The following PCSK1 variants were observed in gnomAD, a reference collection of about 807,000 sequenced individuals.
PCSK1 encodes neuroendocrine convertase 1.
A neutral mutation model predicts 90.6 loss-of-function variants in PCSK1; 56 were observed. That is an observed-to-expected ratio of 0.62 (90% CI 0.50 to 0.77). The LOEUF is 0.77. PCSK1 is among the 30% of genes least tolerant of loss of function. PCSK1 has a pLI of 0.00. For missense variants in PCSK1, 801 were observed against 932.6 expected (o/e 0.86, Z 1.84); for synonymous variants, 348 against 342.4 (o/e 1.02, Z -0.18).
chr5:96,432,215 CTA>C (rs1561380208), intron 1 of PCSK1: 19 of 1,228,096 alleles, frequency 1.5e-5, no homozygotes, highest in Admixed American at 2.0e-5. Flanking sequence ...CCGGAGCTCC[CTA>C]GAGAGTCGCG....
rs11317408 is a variant in PCSK1, at chr5:96,421,993, TA to T, written c.544-38del. 18,704 of 349,510 alleles carry T rather than the reference TA, an allele frequency of 0.054. 567 individuals carry two copies. The highest frequency in any genetic ancestry group is 0.1 in the African/African-American group (2,003 of 19,886). 21.7% of individuals were successfully genotyped at this position (349,510 alleles called of 1,614,324 possible). ...ACAAAATATAACACTGTGGCAGCAT[TA>T]AAAAAAAAAAAAAAAAAAAAAAAAA... On this transcript the variant is annotated intron_variant, in intron 4 of 13. Coordinates refer to ENST00000311106, the MANE Select transcript of PCSK1 (RefSeq NM_000439.5).
In PCSK1 at chr5:96,401,568, T is replaced by A. The variant is rs147610666; in HGVS notation, c.1197-1382A>T. Among the ~76,000 whole-genome samples, 390 of 152,338 alleles carry A rather than the reference T, an allele frequency of 2.6e-3. 1 individual carries two copies. The highest frequency in any genetic ancestry group is 0.018 in the South Asian group (89 of 4,830). On this transcript the variant is annotated intron_variant, in intron 9 of 13. Coordinates refer to ENST00000311106, the MANE Select transcript of PCSK1 (RefSeq NM_000439.5). ...ACACTATAAAGATAAATCAGAGATA[T>A]AAGGGATTGTTGGATCTATTATACT...
intron 8 of PCSK1, among the ~76,000 whole-genome samples, 166 bp from the exon 9 acceptor site, chr5:96,408,489 C>G (rs537256509): frequency 4.4e-4 from 67 of 152,322 alleles, no homozygotes; most frequent in African/African-American, 1.5e-3. Context: ...TTGCCATCTG[C>G]TGATATTTTA....
At chr5:96,408,352 C>G in intron 8 of PCSK1, 29 bp from the exon 9 acceptor site, 1 of 1,529,398 alleles carries the variant, frequency 6.5e-7, no homozygotes. Context: ...GAGAGAAAGG[C>G]AGGGAGAACA....
chr5:96,410,072 G>A (rs563431245), intron 8 of PCSK1, among the ~76,000 whole-genome samples: 20 of 152,196 alleles, frequency 1.3e-4, no homozygotes, highest in Non-Finnish European at 2.2e-4. Context: ...TAAATTGGGG[G>A]CCTTACATTT....
At chr5:96,420,868 G>A (rs1761106505) in intron 5 of PCSK1, among the ~76,000 whole-genome samples, 1 of 152,144 alleles carries the variant, frequency 6.6e-6, no homozygotes, top group Admixed American at 6.5e-5. Context: ...GTGCCATCCA[G>A]AGAGAATAAA....
In PCSK1 at chr5:96,402,063, C is replaced by T. The variant is rs1760394962; in HGVS notation, c.1197-1877G>A. Among the ~76,000 whole-genome samples, 3 of 152,170 alleles carry T rather than the reference C, an allele frequency of 2.0e-5. No homozygotes were observed. The South Asian group carries it at 6.2e-4, about 32-fold the overall frequency. Reference sequence around the variant, plus strand: ...TCCTCAAGGTTCCTGTCTCAGCACTCGGTTGGAGAACAATCATCAGGGGAG... The same window carrying T: ...TCCTCAAGGTTCCTGTCTCAGCACTTGGTTGGAGAACAATCATCAGGGGAG... On this transcript the variant is annotated intron_variant, in intron 9 of 13. Coordinates refer to ENST00000311106, the MANE Select transcript of PCSK1 (RefSeq NM_000439.5).
rs763565418 is a variant in PCSK1, at chr5:96,419,414, C to CCT, written c.620+2464_620+2465dup. On this transcript the variant is annotated intron_variant, in intron 5 of 13. Coordinates refer to ENST00000311106, the MANE Select transcript of PCSK1 (RefSeq NM_000439.5). Reference sequence around the variant, plus strand: ...TATATATATATAAACTCACTTAATACCTCTCTCTCTCTCTCTCTCTCCCTC... The same window carrying CCT: ...TATATATATATAAACTCACTTAATACCTCTCTCTCTCTCTCTCTCTCTCCCTC... Among the ~76,000 whole-genome samples, 405 of 129,076 alleles carry CCT rather than the reference C, an allele frequency of 3.1e-3. 3 individuals are homozygous for CCT. Among genetic ancestry groups the CCT allele is most frequent in the African/African-American group, 9.4e-3 (307 of 32,534 alleles). 84.7% of individuals were successfully genotyped at this position (129,076 alleles called of 152,430 possible).
At position 96,391,880 on chromosome 5, in the gene PCSK1, G is replaced by T. The variant is rs1312513851; in HGVS notation, c.*1121C>A. The T allele has an allele frequency of 2.0e-5, 3 of 152,194 alleles. No individual in the cohort carries two copies. The allele number at this position is 152,194 out of a possible 1,614,324, so 9.4% of individuals were successfully genotyped here. ...GAGGGACAATTAAGGTCCATGGCCT[G>T]CCAGTTTCTGCTTCTGATTTGAAGC... is the stretch of plus-strand genomic sequence containing the variant. On this transcript the variant is annotated 3_prime_UTR_variant, in exon 14 of 14. Coordinates refer to ENST00000311106, the MANE Select transcript of PCSK1 (RefSeq NM_000439.5).
chr5:96,431,758 G>A (rs1761506411), intron 1 of PCSK1, among the ~76,000 whole-genome samples: 1 of 152,102 alleles, frequency 6.6e-6, no homozygotes, highest in South Asian at 2.1e-4. Context: ...CAACGCCCCC[G>A]CCGATTACTC....
In PCSK1 at chr5:96,397,337, A is replaced by G. The variant is rs1580744758; in HGVS notation, c.1721T>C (p.Met574Thr). 6.2e-7 allele frequency: 1 copy of G among 1,612,802 alleles called. No homozygotes were observed. Among genetic ancestry groups the G allele is most frequent in the Admixed American group, 1.7e-5 (1 of 59,988 alleles). ...TTTCATCCTCTCATTCACACTTACCATGTCTGTAATTCTCAAAGTCCAAGT... is the reference window on the plus strand; with the variant it reads ...TTTCATCCTCTCATTCACACTTACCGTGTCTGTAATTCTCAAAGTCCAAGT... ...IGTWTLRITD[M>T]SGRIQNEGRI... Residue 574 changes from methionine (M) to threonine (T), a missense_variant and splice_region_variant, in exon 12 of 14, where the codon ATG (methionine) becomes ACG (threonine). Physicochemically the swap from Met to Thr is moderately conservative, Grantham distance 81. Coordinates refer to ENST00000311106, the MANE Select transcript of PCSK1 (RefSeq NM_000439.5).
In PCSK1 at chr5:96,412,366, C is replaced by T. The variant is rs147381652; in HGVS notation, c.834G>A (p.Glu278=). The T allele has an allele frequency of 1.7e-5, 27 of 1,614,186 alleles. 1 individual carries two copies. In the African/African-American group the frequency reaches 3.2e-4, roughly 19 times the overall value. ...CCTTCTGGGCTAGCCGGCCAGGCCC[C>T]TCCACAGTTTTCCCATCATCATTAG... ...WGPNDDGKTV[E]GPGRLAQKAF... is the part of the protein sequence containing the mutation. The change falls in exon 7 of 14, where the codon GAG becomes GAA. Residue 278 remains glutamate, a synonymous_variant. Coordinates refer to ENST00000311106, the MANE Select transcript of PCSK1 (RefSeq NM_000439.5).
At chr5:96,427,665 C>T (rs1485833146) in intron 2 of PCSK1, among the ~76,000 whole-genome samples, 1 of 152,064 alleles carries the variant, frequency 6.6e-6, no homozygotes, top group East Asian at 1.9e-4. Flanking sequence ...TCATGAGATA[C>T]TTTGAGTAAG....
At chr5:96,419,747 GGT>G (rs1761060667) in intron 5 of PCSK1, among the ~76,000 whole-genome samples, 1 of 151,664 alleles carries the variant, frequency 6.6e-6, no homozygotes, top group Non-Finnish European at 1.5e-5. Flanking sequence ...GGCCTTTGCA[GGT>G]AACTCCCTGA....
chr5:96,394,758 A>T (rs1760071714), intron 13 of PCSK1, 106 bp downstream of exon 13: 4 of 958,590 alleles, frequency 4.2e-6, no homozygotes, highest in Non-Finnish European at 6.9e-6. Context: ...TATCCTCCCC[A>T]TCCATGTTTG....
In PCSK1 at chr5:96,432,914, C is replaced by G. The variant is rs141507819; in HGVS notation, c.129G>C (p.Pro43=). The G allele has an allele frequency of 8.7e-6, 14 of 1,614,008 alleles. No individual in the cohort carries two copies. In the African/African-American group the frequency reaches 1.7e-4, roughly 20 times the overall value. The change falls in exon 1 of 14, where the codon CCG becomes CCC. Residue 43 remains proline, a synonymous_variant. Transcript: ENST00000311106. ...CCTCGGCGATGGCCGAGGCTGCTTC[C>G]GGGCCCCCGGGGATCTCCGCTGCCC... ...NEWAAEIPGG[P]EAASAIAEEL... is the part of the protein sequence containing the mutation.
At chr5:96,411,215 C>T (rs1760743618) in intron 7 of PCSK1, among the ~76,000 whole-genome samples, 1 of 152,218 alleles carries the variant, frequency 6.6e-6, no homozygotes, top group Non-Finnish European at 1.5e-5. Context: ...TGGGGTAGGG[C>T]TGAGCACACG....
At chr5:96,396,806 A>T (rs1760165409) in intron 12 of PCSK1, among the ~76,000 whole-genome samples, 1 of 152,254 alleles carries the variant, frequency 6.6e-6, no homozygotes, top group Non-Finnish European at 1.5e-5. Context: ...GAATGTTAGT[A>T]AACAGAATGA....
At position 96,426,397 on chromosome 5, in the gene PCSK1, T is replaced by C. The variant is rs1158980853; in HGVS notation, c.286-467A>G. Among the ~76,000 whole-genome samples the C allele has an allele frequency of 3.9e-5, 6 of 152,152 alleles. No homozygotes were observed. The East Asian group carries it at 9.6e-4, about 24-fold the overall frequency. ...ATACAACAGGTAGAAATTGCAAATA[T>C]TTTATAAAGTAAGAATGGTGCTGTA... On this transcript the variant is annotated intron_variant, in intron 2 of 13. Coordinates refer to ENST00000311106, the MANE Select transcript of PCSK1 (RefSeq NM_000439.5).
Sources: gnomAD v4.1 joint callset for allele counts (sites outside exome capture counted in the v4.1 genomes callset) on GRCh38, gnomAD v4.1.1 for gene constraint, MANE v1.5 for transcripts, NCBI Gene and HGNC (gene_info 2026-07-23, HGNC 2026-07-21) for gene names.